The following LRBA variants were observed in gnomAD, a reference collection of about 807,000 sequenced individuals.
LRBA encodes the protein lipopolysaccharide-responsive and beige-like anchor protein.
LRBA carries 176 observed loss-of-function variants against 330.0 expected under a neutral mutation model. The observed-to-expected ratio is 0.53, with a 90% confidence interval of 0.47 to 0.60. The LOEUF (loss-of-function observed/expected upper bound fraction) is 0.60. Ranked by LOEUF, LRBA falls within the 20% of genes least tolerant of loss-of-function variation. The probability of loss-of-function intolerance (pLI) is 0.00; values close to 1 mark genes in which losing one functional copy is unlikely to be tolerated. For synonymous variants in LRBA, 1,230 were observed against 1,193.0 expected (o/e 1.03, Z -0.64); for missense variants, 3,259 against 3,444.8 (o/e 0.95, Z 1.35).
rs762739622 is a variant in LRBA at position 150,852,962 on chromosome 4, A to G, written c.2767-19T>C. 6.8e-7 allele frequency: 1 copy of G among 1,468,168 alleles called. No individual in the cohort carries two copies. 90.9% of individuals were successfully genotyped at this position (1,468,168 alleles called of 1,614,324 possible). ...AAGTGACCTAGGTGAAAAATGTACA[A>G]TCAGTTAAAATATGCATGAGAAATG... On this transcript the variant is annotated intron_variant, in intron 22 of 56. Transcript: ENST00000651943.
chr4:150,876,935 A>G (rs1327422015), intron 17 of LRBA, among the ~76,000 whole-genome samples: 1 of 152,114 alleles, frequency 6.6e-6, no homozygotes, highest in Non-Finnish European at 1.5e-5. Flanking sequence ...AAAAAAAACA[A>G]AACTCATCCA....
intron 2 of LRBA, among the ~76,000 whole-genome samples, chr4:150,967,869 C>T (rs1202411552): frequency 6.6e-6 from 1 of 152,092 alleles, no homozygotes; most frequent in African/African-American, 2.4e-5. Flanking sequence ...TATAGCTCTA[C>T]CAAGAGACTA....
intron 34 of LRBA, among the ~76,000 whole-genome samples, chr4:150,792,041 A>AG (rs1050777976): frequency 2.0e-5 from 3 of 150,742 alleles, no homozygotes; most frequent in Non-Finnish European, 4.4e-5. Context: ...AAAAAAAAAA[A>AG]AAAAAAAAAA....
In LRBA at chr4:150,928,509, T is replaced by A. The variant is rs1274940538; in HGVS notation, c.549+7A>T. ...TAAAATACCAAAGAGTACTTAAGTT[T>A]TTTTACCCATCGTCCTTTATCTCCT... On this transcript the variant is annotated splice_region_variant and intron_variant, in intron 4 of 56. Transcript: ENST00000651943. The A allele has an allele frequency of 6.2e-6, 10 of 1,603,548 alleles. No individual in the cohort carries two copies. Among genetic ancestry groups the A allele is most frequent in the Non-Finnish European group, 6.8e-6 (8 of 1,172,732 alleles).
intron 36 of LRBA, among the ~76,000 whole-genome samples, chr4:150,731,105 G>A (rs116227955): frequency 7.9e-4 from 121 of 152,222 alleles, no homozygotes; most frequent in African/African-American, 2.5e-3. Context: ...CATCTCACTC[G>A]AGTTAAAATG....
At chr4:150,635,366 T>C (rs1348090972) in intron 37 of LRBA, among the ~76,000 whole-genome samples, 1 of 152,234 alleles carries the variant, frequency 6.6e-6, no homozygotes, top group Non-Finnish European at 1.5e-5. Context: ...TACCCAAATA[T>C]ATGTTAATGT....
At chr4:150,696,644 T>A (rs1011602910) in intron 36 of LRBA, among the ~76,000 whole-genome samples, 2 of 152,054 alleles carry the variant, frequency 1.3e-5, no homozygotes, top group Admixed American at 6.6e-5. Context: ...AGAAATAAAC[T>A]ATGAGATAAC....
intron 17 of LRBA, among the ~76,000 whole-genome samples, chr4:150,878,766 A>G (rs1185399076): frequency 6.6e-6 from 1 of 152,108 alleles, no homozygotes; most frequent in Admixed American, 6.5e-5. Context: ...ATAGAAACAC[A>G]AAATCAGGAA....
At chr4:150,848,568 A>G (rs1578985709) in intron 26 of LRBA, among the ~76,000 whole-genome samples, 1 of 151,252 alleles carries the variant, frequency 6.6e-6, no homozygotes, top group African/African-American at 2.4e-5. Flanking sequence ...AAAAGAAAAA[A>G]AAAAAAAAAA....
intron 46 of LRBA, chr4:150,423,177 C>G: frequency 1.5e-6 from 2 of 1,338,168 alleles, no homozygotes; most frequent in Non-Finnish European, 2.1e-6. Flanking sequence ...CCCTCCGGTC[C>G]CCCTTCTTGT....
chr4:150,560,643 T>C (rs1206095295), intron 40 of LRBA, among the ~76,000 whole-genome samples: 3 of 152,150 alleles, frequency 2.0e-5, no homozygotes, highest in Non-Finnish European at 4.4e-5. Flanking sequence ...TGATACTTAG[T>C]AGAACAGCAT....
chr4:150,352,451 A>G (rs62346994), intron 47 of LRBA, among the ~76,000 whole-genome samples: 13 of 152,352 alleles, frequency 8.5e-5, no homozygotes, highest in Admixed American at 2.0e-4. Context: ...TGCAATTCTC[A>G]CATCCCAAAG....
At chr4:150,945,865 T>A (rs1172391524) in intron 2 of LRBA, among the ~76,000 whole-genome samples, 1 of 151,948 alleles carries the variant, frequency 6.6e-6, no homozygotes, top group Non-Finnish European at 1.5e-5. Flanking sequence ...AGTGGCACAA[T>A]CTCAGCTCAC....
intron 40 of LRBA, among the ~76,000 whole-genome samples, chr4:150,501,325 A>C (rs1220487005): frequency 1.3e-5 from 2 of 152,202 alleles, no homozygotes; most frequent in Admixed American, 1.3e-4. Context: ...AAGTGTCTAC[A>C]ATCAGGCCAG....
At chr4:150,925,987 C>G (rs1310141118) in intron 4 of LRBA, among the ~76,000 whole-genome samples, 1 of 152,080 alleles carries the variant, frequency 6.6e-6, no homozygotes, top group Non-Finnish European at 1.5e-5. Context: ...AACAAAATGA[C>G]TTAAACCTGG....
chr4:150,383,885 G>C (rs905976533), intron 47 of LRBA, among the ~76,000 whole-genome samples: 1 of 152,098 alleles, frequency 6.6e-6, no homozygotes, highest in Non-Finnish European at 1.5e-5. Flanking sequence ...TCTGCCTCCA[G>C]GTGGTGAAAA....
chr4:150,435,212 G>C (rs958049645), intron 46 of LRBA, among the ~76,000 whole-genome samples: 1 of 152,024 alleles, frequency 6.6e-6, no homozygotes, highest in Non-Finnish European at 1.5e-5. Flanking sequence ...CTAGCCAGGC[G>C]TTGTGGCAGA....
rs201165769 is a variant in LRBA, at chr4:150,597,710, C to CA, written c.6046+1296dup. Reference sequence around the variant, plus strand: ...ATTAACCAAAACAAACCAGAAAATCCAAAAAAACACACAAAAAAAGAAAAA... The same window carrying CA: ...ATTAACCAAAACAAACCAGAAAATCCAAAAAAAACACACAAAAAAAGAAAAA... On this transcript the variant is annotated intron_variant, in intron 38 of 56. Coordinates refer to ENST00000651943, the MANE Select transcript of LRBA (RefSeq NM_001364905.1). 1.1e-3 allele frequency among the ~76,000 whole-genome samples: 171 copies of CA among 151,104 alleles called. 2 individuals carry two copies. The East Asian group carries it at 0.026, about 23-fold the overall frequency.
chr4:150,579,340 A>G (rs1276209256), intron 40 of LRBA: 3 of 454,542 alleles, frequency 6.6e-6, no homozygotes. Flanking sequence ...CTGCTCTTAG[A>G]GCAGAGGCAG....
Sources: gnomAD v4.1 joint callset for allele counts (sites outside exome capture counted in the v4.1 genomes callset) on GRCh38, gnomAD v4.1.1 for gene constraint, MANE v1.5 for transcripts, NCBI Gene and HGNC (gene_info 2026-07-23, HGNC 2026-07-21) for gene names.